ST6GALNAC1: variants seen among roughly 807,000 people sequenced by gnomAD.
ST6GALNAC1 encodes ST6 N-acetylgalactosaminide alpha-2,6-sialyltransferase 1.
A neutral mutation model predicts 56.8 loss-of-function variants in ST6GALNAC1; 45 were observed. The observed-to-expected ratio is 0.79, with a 90% confidence interval of 0.62 to 1.02. The LOEUF (loss-of-function observed/expected upper bound fraction) is 1.02, where lower values mean the gene tolerates loss of function less well. Among genes scored for constraint, ST6GALNAC1 ranks in the 50% least tolerant of loss-of-function variants. The pLI, the probability that ST6GALNAC1 is intolerant of heterozygous loss-of-function variation, is 0.00. For synonymous variants in ST6GALNAC1, 295 were observed against 297.8 expected (o/e 0.99, Z 0.10); for missense variants, 743 against 754.8 (o/e 0.98, Z 0.18).
Position 76,625,843 on chromosome 17 carries a change from G to T in ST6GALNAC1, c.1581C>A (p.Leu527=). 1.3e-6 allele frequency: 2 copies of T among 1,541,334 alleles called. No homozygotes were observed. The highest frequency in any genetic ancestry group is 2.5e-5 in the South Asian group (2 of 78,458). The change falls in exon 8 of 9, where the codon CTC becomes CTA. Residue 527 remains leucine, a synonymous_variant. Coordinates refer to ENST00000156626, the MANE Select transcript of ST6GALNAC1 (RefSeq NM_018414.5). ...CCTGGTCACAGAGCTGAAGGGCAGT[G>T]AGCAGCAGGAGGGCCCCAGTGGTGG... ...YRPTTGALLL[L]TALQLCDQVS...
chr17:76,627,073 A>G lies in ST6GALNAC1; in HGVS notation c.1166T>C (p.Val389Ala). The stretch of plus-strand genomic sequence containing the variant: ...TTGGGTGGGGACAGCTTACCGGAAC[A>G]CGTAGTCGTGACTGTCTATCTCCTG... ...MGQEIDSHDY[V>A]FRLSGALIKG... is the part of the protein sequence containing the mutation. The change falls in exon 4 of 9, where the codon GTG (valine) becomes GCG (alanine). Residue 389 changes from valine to alanine, a missense_variant. Transcript: ENST00000156626. The surrounding 1 kb of genome is among the most constrained non-coding windows in gnomAD (Gnocchi z 4.4). 6.5e-7 allele frequency: 1 copy of G among 1,548,470 alleles called. No homozygotes were observed. The highest frequency in any genetic ancestry group is 8.7e-7 in the Non-Finnish European group (1 of 1,148,636).
chr17:76,632,010 G>A (rs1287505352), intron 1 of ST6GALNAC1, among the ~76,000 whole-genome samples: 1 of 152,144 alleles, frequency 6.6e-6, no homozygotes, highest in Non-Finnish European at 1.5e-5. Flanking sequence ...GTGTGGGTGT[G>A]TGTGAGGCTC....
chr17:76,631,174 C>T (rs2075892786), intron 1 of ST6GALNAC1, among the ~76,000 whole-genome samples: 1 of 150,864 alleles, frequency 6.6e-6, no homozygotes, highest in South Asian at 2.1e-4. Context: ...AAATTCCTCA[C>T]CTCAAGTGAT....
chr17:76,625,613 G>A, intron 8 of ST6GALNAC1, 86 bp from the exon 9 acceptor site: 1 of 1,505,238 alleles, frequency 6.6e-7, no homozygotes, highest in Non-Finnish European at 9.1e-7. Context: ...TGAGGGGTGG[G>A]GGTTCTTTTC....
At chr17:76,630,854 G>A (rs1300576404) in intron 1 of ST6GALNAC1, among the ~76,000 whole-genome samples, 6 of 150,192 alleles carry the variant, frequency 4.0e-5, no homozygotes, top group Non-Finnish European at 7.4e-5. Context: ...CTCCCAAGGT[G>A]CTGGGATTTT....
intron 1 of ST6GALNAC1, among the ~76,000 whole-genome samples, chr17:76,631,651 A>G (rs2075902847): frequency 6.6e-6 from 1 of 151,968 alleles, no homozygotes; most frequent in East Asian, 1.9e-4. Context: ...TCCAACCCAC[A>G]GGCTGGTGGA....
At chr17:76,635,093 T>A (rs1322074456) in intron 1 of ST6GALNAC1, among the ~76,000 whole-genome samples, 2 of 152,246 alleles carry the variant, frequency 1.3e-5, no homozygotes, top group Non-Finnish European at 2.9e-5. Context: ...TTTCTCTTGT[T>A]ATTCTGAGTG....
rs1351958019 is a variant in ST6GALNAC1 at position 76,627,206 on chromosome 17, C to A, written c.1033G>T (p.Val345Leu). ...VQKVVTRFPP[V>L]PQQQLLLASL... ...GCCAGGAGCAGCTGCTGCTGGGGCA[C>A]TGGAGGGAAGCGTGTCACGACCTTC... The change falls in exon 4 of 9, where the codon GTG becomes TTG. Residue 345 changes from valine (V) to leucine (L), a missense_variant. Transcript: ENST00000156626. The surrounding 1 kb of genome is among the most constrained non-coding windows in gnomAD (Gnocchi z 4.4). 6.3e-7 allele frequency: 1 copy of A among 1,588,758 alleles called. No homozygotes were observed. Among genetic ancestry groups the A allele is most frequent in the East Asian group, 2.2e-5 (1 of 44,732 alleles).
Position 76,625,254 on chromosome 17 carries a change from G to A in ST6GALNAC1, c.*76C>T. 2 of 1,496,874 alleles carry A rather than the reference G, an allele frequency of 1.3e-6. No individual in the cohort carries two copies. Among genetic ancestry groups the A allele is most frequent in the Non-Finnish European group, 1.8e-6 (2 of 1,098,774 alleles). 92.7% of individuals were successfully genotyped at this position (1,496,874 alleles called of 1,614,324 possible). On this transcript the variant is annotated 3_prime_UTR_variant, in exon 9 of 9. Coordinates refer to ENST00000156626, the MANE Select transcript of ST6GALNAC1 (RefSeq NM_018414.5). ...AGCTTAGTCTGAGCCATGGGAAATG[G>A]CCAAAGAGTCTCAAGATTCCCACTG...
intron 1 of ST6GALNAC1, among the ~76,000 whole-genome samples, chr17:76,639,032 T>C (rs16969138): frequency 0.28 from 42,757 of 152,016 alleles, 6,889 homozygotes; most frequent in African/African-American, 0.45. Flanking sequence ...GTTGCAATGG[T>C]CTCTAAACTA....
chr17:76,638,728 C>T (rs374718963), intron 1 of ST6GALNAC1, among the ~76,000 whole-genome samples: 3 of 152,122 alleles, frequency 2.0e-5, no homozygotes, highest in African/African-American at 4.8e-5. Context: ...ATTACAGGCA[C>T]CGGACCATGC....
intron 7 of ST6GALNAC1, 43 bp downstream of exon 7, chr17:76,625,963 T>A (rs747548501): frequency 1.9e-6 from 3 of 1,609,314 alleles, no homozygotes; most frequent in African/African-American, 1.3e-5. Flanking sequence ...GCTGCAAGGA[T>A]AACAGGGACC....
Position 76,626,306 on chromosome 17 carries a change from T to C in ST6GALNAC1, c.1398A>G (p.Lys466=), listed in dbSNP as rs1443961461. ...ALLMNQTVMS[K]NLFWFRHRPQ... ...GTGGGTACCTGAACCAGAAAAGGTT[T>C]TTTGACATCACCGTCTGATTCATAA... The change falls in exon 6 of 9, where the codon AAA becomes AAG. Residue 466 remains lysine, a synonymous_variant. Transcript: ENST00000156626. 3.1e-6 allele frequency: 5 copies of C among 1,614,136 alleles called. No individual in the cohort carries two copies. Among genetic ancestry groups the C allele is most frequent in the Non-Finnish European group, 4.2e-6 (5 of 1,180,016 alleles).
downstream of ST6GALNAC1, among the ~76,000 whole-genome samples, chr17:76,624,064 G>GCTGCCGCCAC (rs1251698902): frequency 7.9e-5 from 12 of 152,300 alleles, no homozygotes; most frequent in African/African-American, 2.9e-4. Context: ...AGGGCGCCGA[G>GCTGCCGCCAC]CTGCCGCCAC....
intron 1 of ST6GALNAC1, among the ~76,000 whole-genome samples, chr17:76,639,641 AC>A (rs1348529786): frequency 4.4e-4 from 1 of 2,276 alleles, no homozygotes; most frequent in African/African-American, 4.9e-4. Context: ...CATGATAAAC[AC>A]ACACACACAC....
intron 5 of ST6GALNAC1, 79 bp from the exon 6 acceptor site, chr17:76,626,471 A>C: frequency 6.6e-7 from 1 of 1,525,044 alleles, no homozygotes; most frequent in Non-Finnish European, 9.1e-7. Context: ...TCTGACTCCG[A>C]CTGCCCACTT....
Position 76,629,561 on chromosome 17 carries a change from G to A in ST6GALNAC1, c.282C>T (p.Ala94=). 6.2e-7 allele frequency: 1 copy of A among 1,613,962 alleles called. No individual in the cohort carries two copies. Among genetic ancestry groups the A allele is most frequent in the Non-Finnish European group, 8.5e-7 (1 of 1,179,984 alleles). Residue 94 remains alanine, a synonymous_variant, in exon 2 of 9, where the codon GCC becomes GCT. Transcript: ENST00000156626. ...NALNTQTQPK[A]HTTGDRGKEA... ...CCTTTCCTCTGTCTCCGGTGGTGTG[G>A]GCCTTGGGCTGGGTTTGTGTGTTGA...
chr17:76,626,718 G>A lies in ST6GALNAC1; in HGVS notation c.1244C>T (p.Ala415Val). 6.2e-7 allele frequency: 1 copy of A among 1,614,222 alleles called. No individual in the cohort carries two copies. ...AAGGAGTGACTGGGTCAGGGAGAAG[G>A]CGGTAAAGCCGTAGAAGGATGTCCG... is the stretch of plus-strand genomic sequence containing the variant. ...GTRTSFYGFTAFSLTQSLLIL... is the reference protein window; with the variant it reads ...GTRTSFYGFTVFSLTQSLLIL... Residue 415 changes from alanine to valine, a missense_variant, in exon 5 of 9, where the codon GCC becomes GTC. Ala to Val is a moderately conservative substitution (Grantham distance 64). Transcript: ENST00000156626.
intron 5 of ST6GALNAC1, 31 bp downstream of exon 5, chr17:76,626,620 G>A (rs2075802267): frequency 6.2e-7 from 1 of 1,612,786 alleles, no homozygotes; most frequent in Non-Finnish European, 8.5e-7. Flanking sequence ...CCAGAGTCTG[G>A]GTGTGGCCAG....
Sources: gnomAD v4.1 joint callset for allele counts (sites outside exome capture counted in the v4.1 genomes callset) on GRCh38, gnomAD v4.1.1 for gene constraint, Gnocchi (gnomAD v3.1) non-coding constraint, MANE v1.5 for transcripts, NCBI Gene and HGNC (gene_info 2026-07-23, HGNC 2026-07-21) for gene names.